ASS1: variants seen among roughly 807,000 people sequenced by gnomAD.
ASS1 encodes the protein argininosuccinate synthase 1.
In ASS1, 58 loss-of-function variants were observed where a neutral mutation model predicts 60.5. The ratio of observed to expected loss-of-function variants is 0.96; its 90% confidence interval spans 0.78 to 1.19. ASS1 has a LOEUF of 1.19. Among genes scored for constraint, ASS1 ranks in the 50% most tolerant of loss-of-function variants. The pLI, the probability that ASS1 is intolerant of heterozygous loss-of-function variation, is 0.00. For synonymous variants in ASS1, 200 were observed against 206.9 expected (o/e 0.97, Z 0.29); for missense variants, 454 against 547.3 (o/e 0.83, Z 1.70).
intron 5 of ASS1, among the ~76,000 whole-genome samples, chr9:130,465,587 C>T (rs1845719435): frequency 1.3e-5 from 2 of 152,220 alleles, no homozygotes; most frequent in African/African-American, 4.8e-5. Flanking sequence ...CAGCACAGGC[C>T]GGGACTGAGC....
intron 3 of ASS1, among the ~76,000 whole-genome samples, chr9:130,456,068 C>G (rs1564902888): frequency 6.6e-6 from 1 of 152,254 alleles, no homozygotes; most frequent in East Asian, 1.9e-4. Context: ...ACGGCTTCAG[C>G]TTTTGTCCTT....
At chr9:130,499,395 G>T in intron 13 of ASS1, 110 bp from the exon 14 acceptor site, 1 of 1,156,158 alleles carries the variant, frequency 8.6e-7, no homozygotes, top group Non-Finnish European at 1.3e-6. Flanking sequence ...ACCCACACAG[G>T]GGAAATGCCC....
chr9:130,444,727 G>A (rs982543022), upstream of ASS1, among the ~76,000 whole-genome samples: 1 of 151,936 alleles, frequency 6.6e-6, no homozygotes, highest in Non-Finnish European at 1.5e-5. This position sits in a 1 kb window ranked among gnomAD's most constrained non-coding sequence, Gnocchi z 4.7. Context: ...CCCTGGGAGG[G>A]TGAGCCGGCG....
chr9:130,458,921 C>A (rs889278023), intron 4 of ASS1, among the ~76,000 whole-genome samples: 2 of 152,204 alleles, frequency 1.3e-5, no homozygotes, highest in Non-Finnish European at 2.9e-5. Flanking sequence ...CCAGGGGACA[C>A]GCAGGAAAGT....
Position 130,494,797 on chromosome 9 carries a change from G to A in ASS1, c.971-70G>A, listed in dbSNP as rs1846538049. ...GTAAACCATGGGGCACCCTTCCTGT[G>A]CCCCAGGTCTCCCTGTGTCCTCGCG... On this transcript the variant is annotated intron_variant, in intron 12 of 14. Coordinates refer to ENST00000352480, the MANE Select transcript of ASS1 (RefSeq NM_054012.4). This position sits in a 1 kb window ranked among gnomAD's most constrained non-coding sequence, Gnocchi z 4.3. 1 of 1,588,754 alleles carries A rather than the reference G, an allele frequency of 6.3e-7. No individual in the cohort carries two copies. The highest frequency in any genetic ancestry group is 1.3e-5 in the African/African-American group (1 of 74,364).
chr9:130,465,035 TA>T lies in ASS1; in HGVS notation c.420+869del, dbSNP rs1312614515. 2.7e-3 allele frequency among the ~76,000 whole-genome samples: 333 copies of T among 121,756 alleles called. 1 individual carries two copies. The highest frequency in any genetic ancestry group is 0.01 in the African/African-American group (314 of 30,170). The allele number at this position is 121,756 out of a possible 152,430, so 79.9% of individuals were successfully genotyped here. A position where few individuals can be genotyped will look rare whatever the true frequency, so the allele number is the denominator to read the frequency against. ...GTATTACATATAAATACATATGTTT[TA>T]TATATATATATATATATATATTTTT... On this transcript the variant is annotated intron_variant, in intron 5 of 14. Transcript: ENST00000352480.
intron 1 of ASS1, among the ~76,000 whole-genome samples, chr9:130,446,777 T>G (rs1037696169): frequency 6.6e-6 from 1 of 152,170 alleles, no homozygotes; most frequent in African/African-American, 2.4e-5. Context: ...AGATGCCTCA[T>G]CTGAGCACTG....
At chr9:130,446,673 G>T (rs745778891) in intron 1 of ASS1, among the ~76,000 whole-genome samples, 2 of 152,158 alleles carry the variant, frequency 1.3e-5, no homozygotes, top group African/African-American at 4.8e-5. Context: ...TTGGGGTGGA[G>T]CCAGGCCCAA....
At chr9:130,456,432 C>G (rs1338389666) in intron 3 of ASS1, among the ~76,000 whole-genome samples, 1 of 152,102 alleles carries the variant, frequency 6.6e-6, no homozygotes, top group Non-Finnish European at 1.5e-5. Context: ...CACCATTGCA[C>G]TCCATCCTGG....
intron 13 of ASS1, among the ~76,000 whole-genome samples, chr9:130,497,521 T>C (rs1486269780): frequency 6.6e-6 from 1 of 151,950 alleles, no homozygotes; most frequent in Non-Finnish European, 1.5e-5. Context: ...CATTGTAAAC[T>C]CTTTTTCCAC....
intron 13 of ASS1, among the ~76,000 whole-genome samples, chr9:130,498,173 A>G (rs1226523049): frequency 2.0e-5 from 3 of 152,212 alleles, no homozygotes; most frequent in Non-Finnish European, 4.4e-5. Flanking sequence ...TCTTGTAAAA[A>G]GTCCACTGTC....
At position 130,470,805 on chromosome 9, in the gene ASS1, C is replaced by G; in HGVS notation, c.496-29C>G. ...CTCACGCGTCCTTCCAGCCGCCTTA[C>G]CTCCACCTGTGCTGTCTCTTTCCTG... On this transcript the variant is annotated intron_variant, in intron 6 of 14. Transcript: ENST00000352480. The surrounding 1 kb of genome is among the most constrained non-coding windows in gnomAD (Gnocchi z 4.3). 1.2e-6 allele frequency: 2 copies of G among 1,611,516 alleles called. No individual in the cohort carries two copies. The highest frequency in any genetic ancestry group is 1.7e-6 in the Non-Finnish European group (2 of 1,177,696).
chr9:130,483,680 G>A (rs981729189), intron 11 of ASS1, among the ~76,000 whole-genome samples: 4 of 148,160 alleles, frequency 2.7e-5, no homozygotes, highest in Admixed American at 6.7e-5. Context: ...TTCTCCCGCC[G>A]CTCTCCCCTC....
intron 3 of ASS1, among the ~76,000 whole-genome samples, chr9:130,454,643 C>T (rs757580028): frequency 3.3e-5 from 5 of 152,178 alleles, no homozygotes; most frequent in Non-Finnish European, 7.3e-5. Context: ...TCCATCTATG[C>T]ACCCACTCAC....
intron 14 of ASS1, 43 bp downstream of exon 14, chr9:130,499,613 T>C: frequency 6.3e-7 from 1 of 1,583,726 alleles, no homozygotes; most frequent in Non-Finnish European, 8.6e-7. Context: ...AGCCTCCAGG[T>C]GTAAAGGGTA....
At chr9:130,445,335 C>T in intron 1 of ASS1, 1 of 748,938 alleles carries the variant, frequency 1.3e-6, no homozygotes, top group Non-Finnish European at 1.6e-6. Flanking sequence ...CCGGCTTCCT[C>T]TGTGTCGTGA....
chr9:130,489,553 G>C lies in ASS1; in HGVS notation c.970+89G>C. On this transcript the variant is annotated intron_variant, in intron 12 of 14. Coordinates refer to ENST00000352480, the MANE Select transcript of ASS1 (RefSeq NM_054012.4). The surrounding 1 kb of genome is among the most constrained non-coding windows in gnomAD (Gnocchi z 4.1). ...GCTCTCGGGCCTGGCCCTCCCCTCC[G>C]TATCAGCACCTTCCTCCCCTGCCGC... is the stretch of plus-strand genomic sequence containing the variant. 6.3e-7 allele frequency: 1 copy of C among 1,593,410 alleles called. No homozygotes were observed. Among genetic ancestry groups the C allele is most frequent in the Admixed American group, 1.7e-5 (1 of 59,918 alleles).
At chr9:130,481,029 C>T (rs1846160834) in intron 11 of ASS1, among the ~76,000 whole-genome samples, 1 of 152,222 alleles carries the variant, frequency 6.6e-6, no homozygotes, top group Admixed American at 6.5e-5. Context: ...CCTGCCACCT[C>T]GGCTGGCCTC....
intron 11 of ASS1, among the ~76,000 whole-genome samples, chr9:130,485,862 T>G (rs1051139271): frequency 6.6e-6 from 1 of 152,250 alleles, no homozygotes; most frequent in African/African-American, 2.4e-5. Flanking sequence ...TATCGTTATA[T>G]CTGCCATTTT....
Sources: allele counts gnomAD v4.1 joint callset (sites outside exome capture counted in the v4.1 genomes callset), GRCh38; gene constraint gnomAD v4.1.1; non-coding constraint Gnocchi (gnomAD v3.1); transcripts MANE v1.5; gene names NCBI Gene and HGNC (gene_info 2026-07-23, HGNC 2026-07-21).